NME8: variants seen among roughly 807,000 people sequenced by gnomAD.
The protein encoded by NME8 is protein NME8.
NME8 carries 72 observed loss-of-function variants against 82.3 expected under a neutral mutation model. The ratio of observed to expected loss-of-function variants is 0.87; its 90% CI spans 0.72 to 1.06. The LOEUF (loss-of-function observed/expected upper bound fraction) is 1.06, where lower values mean the gene tolerates loss of function less well. Ranked by LOEUF, NME8 falls within the 50% of genes least tolerant of loss-of-function variation. The pLI, the probability that NME8 is intolerant of heterozygous loss-of-function variation, is 0.00. For missense variants in NME8, 712 were observed against 685.4 expected, an observed-to-expected ratio of 1.04 and a Z score of -0.43; for synonymous variants, 267 against 228.5, an observed-to-expected ratio of 1.17 and a Z score of -1.52.
chr7:37,860,656 C>T (rs1440539893), intron 6 of NME8, among the ~76,000 whole-genome samples: 4 of 152,186 alleles, frequency 2.6e-5, no homozygotes, highest in Admixed American at 1.3e-4. Flanking sequence ...TCAATCACCA[C>T]CATCTGTATA....
At chr7:37,884,207 AGTGCATT>A in intron 12 of NME8, 89 bp from the exon 13 acceptor site, 1 of 869,038 alleles carries the variant, frequency 1.2e-6, no homozygotes, top group South Asian at 1.5e-5. Context: ...ATGAGAATAA[AGTGCATT>A]GTATGCCCTC....
At chr7:37,863,362 T>C in intron 7 of NME8, 34 bp from the exon 8 acceptor site, 1 of 1,242,144 alleles carries the variant, frequency 8.1e-7, no homozygotes, top group Non-Finnish European at 1.2e-6. Context: ...AAAACATAAC[T>C]GTGTTATCTT....
intron 12 of NME8, among the ~76,000 whole-genome samples, chr7:37,882,648 AGAAAGAAAG>A (rs1784981152): frequency 2.0e-5 from 3 of 146,518 alleles, no homozygotes; most frequent in Admixed American, 1.3e-4. Context: ...AGAAAGAGAA[AGAAAGAAAG>A]AGAAAGAAAG....
At chr7:37,860,260 A>G (rs79437210) in intron 6 of NME8, among the ~76,000 whole-genome samples, 1,561 of 152,290 alleles carry the variant, frequency 0.01, 11 homozygotes, top group Non-Finnish European at 0.017. Context: ...TTCACCTCAC[A>G]GCTAAGTTGG....
Position 37,850,451 on chromosome 7 carries a change from G to C in NME8, c.91+16G>C, listed in dbSNP as rs746669564. The C allele has an allele frequency of 1.2e-6, 2 of 1,613,882 alleles. No homozygotes were observed. The highest frequency in any genetic ancestry group is 1.7e-5 in the Admixed American group (1 of 60,024). On this transcript the variant is annotated intron_variant, in intron 4 of 17. Coordinates refer to ENST00000199447, the MANE Select transcript of NME8 (RefSeq NM_016616.5). ...GGCTTAACAGGTATAAGGACTCCCC[G>C]GCTGTCTGGCCACCTGGGGTTTGAC... is the stretch of plus-strand genomic sequence containing the variant.
chr7:37,850,352 C>T (rs747880885), intron 3 of NME8, 26 bp from the exon 4 acceptor site: 5 of 1,613,976 alleles, frequency 3.1e-6, no homozygotes, highest in Non-Finnish European at 3.4e-6. Context: ...GCTTGAATAC[C>T]TTTTACAGTG....
rs1785267316 is a variant in NME8 at position 37,898,599 on chromosome 7, A to G, written c.*15+1492A>G. On this transcript the variant is annotated intron_variant, in intron 17 of 17. Transcript: ENST00000199447. Reference sequence around the variant, plus strand: ...GATGAATCTCAAAAAAATTTTGCTAAATGAAATGTTAGACACAGAAGAACA... The same window carrying G: ...GATGAATCTCAAAAAAATTTTGCTAGATGAAATGTTAGACACAGAAGAACA... 4.6e-5 allele frequency among the ~76,000 whole-genome samples: 7 copies of G among 152,326 alleles called. No individual in the cohort carries two copies. In the South Asian group the frequency reaches 1.2e-3, roughly 27 times the overall value.
intron 11 of NME8, among the ~76,000 whole-genome samples, chr7:37,870,356 C>T (rs568391393): frequency 2.6e-5 from 4 of 151,878 alleles, no homozygotes; most frequent in African/African-American, 7.2e-5. Context: ...TTTGGAGGGC[C>T]GAGACAGGCA....
At chr7:37,867,643 C>A (rs1784706824) in intron 10 of NME8, 59 bp from the exon 11 acceptor site, 2 of 1,329,376 alleles carry the variant, frequency 1.5e-6, no homozygotes, top group Non-Finnish European at 1.1e-6. Context: ...TAGTGACCAC[C>A]ATTTTAGTCC....
rs199621229 is a variant in NME8, at chr7:37,896,968, C to A, written c.1643C>A (p.Ser548Tyr). 6.2e-6 allele frequency: 10 copies of A among 1,613,866 alleles called. No homozygotes were observed. Among genetic ancestry groups the A allele is most frequent in the Admixed American group, 5.0e-5 (3 of 59,968 alleles). ...PTDPEEAKLL[S>Y]PDSIRAQFGI... ...GACCCAGAAGAAGCAAAATTACTTT[C>A]CCCTGACTCCATCCGAGCCCAGTTT... is the stretch of plus-strand genomic sequence containing the variant. Residue 548 changes from serine (S) to tyrosine (Y), a missense_variant, in exon 17 of 18, where the codon TCC (serine) becomes TAC (tyrosine). Ser to Tyr is a moderately radical substitution (Grantham distance 144, BLOSUM62 -2). Coordinates refer to ENST00000199447, the MANE Select transcript of NME8 (RefSeq NM_016616.5).
rs557963735 is a variant in NME8 at position 37,860,454 on chromosome 7, G to C, written c.271-1574G>C. Among the ~76,000 whole-genome samples the C allele has an allele frequency of 1.0e-3, 156 of 152,262 alleles. 1 individual carries two copies. The highest frequency in any genetic ancestry group is 1.7e-3 in the Non-Finnish European group (116 of 68,016). ...ATCATTTGTACCTCTTAAATGGTTTGAATATGGTGACCATGCCCTCCTTTT... is the reference window on the plus strand; with the variant it reads ...ATCATTTGTACCTCTTAAATGGTTTCAATATGGTGACCATGCCCTCCTTTT... On this transcript the variant is annotated intron_variant, in intron 6 of 17. Coordinates refer to ENST00000199447, the MANE Select transcript of NME8 (RefSeq NM_016616.5).
chr7:37,879,664 A>G (rs952754078), intron 12 of NME8, among the ~76,000 whole-genome samples: 2 of 152,174 alleles, frequency 1.3e-5, no homozygotes, highest in African/African-American at 4.8e-5. Flanking sequence ...AGGTGTTCAT[A>G]TGCAGGTTTT....
At chr7:37,879,782 C>T (rs191558515) in intron 12 of NME8, among the ~76,000 whole-genome samples, 4 of 152,312 alleles carry the variant, frequency 2.6e-5, no homozygotes, top group African/African-American at 9.6e-5. Flanking sequence ...AAAATGTCTT[C>T]CAAAGCACCT....
intron 16 of NME8, 96 bp downstream of exon 16, chr7:37,894,706 C>T: frequency 4.2e-6 from 5 of 1,183,464 alleles, no homozygotes; most frequent in South Asian, 2.9e-5. Flanking sequence ...AACATTTCAT[C>T]TAATCTCATT....
intron 6 of NME8, 105 bp from the exon 7 acceptor site, chr7:37,861,923 A>G (rs1334437479): frequency 5.0e-6 from 4 of 798,102 alleles, no homozygotes; most frequent in Non-Finnish European, 6.9e-6. Context: ...ATTCATGAGG[A>G]TGAGAGTAGG....
intron 5 of NME8, 23 bp from the exon 6 acceptor site, chr7:37,857,251 T>C (rs757288576): frequency 1.3e-6 from 2 of 1,552,380 alleles, no homozygotes; most frequent in East Asian, 2.3e-5. Flanking sequence ...TTTATTATTA[T>C]ATGAAATGTT....
chr7:37,850,189 A>C, intron 2 of NME8, 71 bp from the exon 3 acceptor site: 1 of 1,199,682 alleles, frequency 8.3e-7, no homozygotes, highest in Non-Finnish European at 1.2e-6. Flanking sequence ...AAAAGATGTT[A>C]TTTGCATGCA....
At chr7:37,858,687 G>A (rs1336128087) in intron 6 of NME8, among the ~76,000 whole-genome samples, 1 of 152,144 alleles carries the variant, frequency 6.6e-6, no homozygotes. Flanking sequence ...GTGGGTAGGT[G>A]CATGGGAATG....
intron 11 of NME8, among the ~76,000 whole-genome samples, chr7:37,871,756 A>T (rs1784770089): frequency 3.3e-5 from 5 of 152,144 alleles, no homozygotes; most frequent in Non-Finnish European, 7.3e-5. Flanking sequence ...TTCTCTTCTC[A>T]GTAGCCTCTC....
Sources: gnomAD v4.1 joint callset for allele counts (sites outside exome capture counted in the v4.1 genomes callset) on GRCh38, gnomAD v4.1.1 for gene constraint, MANE v1.5 for transcripts, NCBI Gene and HGNC (gene_info 2026-07-23, HGNC 2026-07-21) for gene names.